PTPRQ: variants seen among roughly 807,000 people sequenced by gnomAD.
PTPRQ encodes the protein protein tyrosine phosphatase receptor type Q.
A neutral mutation model predicts 246.0 loss-of-function variants in PTPRQ; 199 were observed. The observed-to-expected ratio is 0.81, with a 90% confidence interval of 0.72 to 0.91. The LOEUF (loss-of-function observed/expected upper bound fraction) is 0.91. Among genes scored for constraint, PTPRQ ranks in the 40% least tolerant of loss-of-function variants. The pLI, the probability that PTPRQ is intolerant of heterozygous loss-of-function variation, is 0.00. For missense variants in PTPRQ, 2,624 were observed against 2,528.4 expected (o/e 1.04, Z -0.81); for synonymous variants, 869 against 853.2 (o/e 1.02, Z -0.32).
At chr12:80,613,968 C>A in intron 29 of PTPRQ, 132 bp downstream of exon 29, 1 of 1,138,762 alleles carries the variant, frequency 8.8e-7, no homozygotes, top group Non-Finnish European at 1.1e-6. Flanking sequence ...GACATCTCAA[C>A]AAAAATAAAT....
intron 28 of PTPRQ, 39 bp downstream of exon 28, chr12:80,610,664 G>T (rs1898516402): frequency 6.5e-7 from 1 of 1,535,368 alleles, no homozygotes; most frequent in Non-Finnish European, 8.8e-7. Flanking sequence ...AATTGACTGA[G>T]ATTTAGCTGG....
intron 25 of PTPRQ, among the ~76,000 whole-genome samples, chr12:80,560,218 A>G (rs927523109): frequency 3.3e-5 from 5 of 152,150 alleles, no homozygotes; most frequent in African/African-American, 1.2e-4. Flanking sequence ...TTGGAGGTTC[A>G]GTGTCTTGGG....
chr12:80,646,814 C>G (rs1422129709), intron 35 of PTPRQ, among the ~76,000 whole-genome samples: 1 of 151,874 alleles, frequency 6.6e-6, no homozygotes, highest in Non-Finnish European at 1.5e-5. Flanking sequence ...AGTGAAACAG[C>G]AACTTTTGGT....
intron 26 of PTPRQ, among the ~76,000 whole-genome samples, chr12:80,596,289 C>T (rs1164894718): frequency 6.6e-6 from 1 of 151,814 alleles, no homozygotes; most frequent in Admixed American, 6.6e-5. Flanking sequence ...AGACCTTATG[C>T]TAGATTATGA....
chr12:80,627,359 T>C (rs1899243306), intron 33 of PTPRQ, among the ~76,000 whole-genome samples: 1 of 147,188 alleles, frequency 6.8e-6, no homozygotes, highest in Non-Finnish European at 1.5e-5. Context: ...ATAATAATAA[T>C]AATAATAATA....
intron 25 of PTPRQ, among the ~76,000 whole-genome samples, chr12:80,568,518 T>A (rs901479954): frequency 6.6e-6 from 1 of 152,234 alleles, no homozygotes; most frequent in Non-Finnish European, 1.5e-5. Flanking sequence ...TTAATTTCTG[T>A]CCATATTTGT....
Position 80,541,603 on chromosome 12 carries a change from C to T in PTPRQ, c.3203C>T (p.Thr1068Ile). The T allele has an allele frequency of 2.6e-6, 4 of 1,540,778 alleles. No homozygotes were observed. The highest frequency in any genetic ancestry group is 3.5e-6 in the Non-Finnish European group (4 of 1,141,540). ...GNLTYESISS[T>I]AINVSWVPPA... is the part of the protein sequence containing the mutation. ...CTGACTTACGAATCCATTTCGTCAA[C>T]TGCAATAAATGTAAGCTGGGTCCCA... The change falls in exon 21 of 45, where the codon ACT becomes ATT. Residue 1068 changes from threonine to isoleucine, a missense_variant. Transcript: ENST00000644991.
At chr12:80,665,814 T>C (rs966651658) in intron 39 of PTPRQ, among the ~76,000 whole-genome samples, 2 of 152,008 alleles carry the variant, frequency 1.3e-5, no homozygotes, top group African/African-American at 2.4e-5. Flanking sequence ...AAAGAAGACA[T>C]ACAAATGGCC....
intron 17 of PTPRQ, among the ~76,000 whole-genome samples, chr12:80,516,730 C>T (rs1370979628): frequency 6.6e-6 from 1 of 152,168 alleles, no homozygotes; most frequent in African/African-American, 2.4e-5. Flanking sequence ...AAAATGACCT[C>T]ATGGTTACTG....
intron 25 of PTPRQ, among the ~76,000 whole-genome samples, chr12:80,578,755 C>T (rs1354774218): frequency 3.9e-5 from 6 of 152,138 alleles, no homozygotes; most frequent in Non-Finnish European, 7.4e-5. Context: ...GAGGACATTG[C>T]TTATTAAATT....
chr12:80,595,709 TC>T (rs1028449166), intron 26 of PTPRQ, among the ~76,000 whole-genome samples: 5 of 106,618 alleles, frequency 4.7e-5, no homozygotes, highest in African/African-American at 1.4e-4. Flanking sequence ...AAGCTATCCC[TC>T]CCCCCTCCCC....
At chr12:80,561,037 G>T (rs1339178370) in intron 25 of PTPRQ, 1 of 153,580 alleles carries the variant, frequency 6.5e-6, no homozygotes, top group African/African-American at 2.4e-5. Context: ...TTGGCCCTCT[G>T]CCACTTGACT....
chr12:80,642,028 A>G (rs1315417774), intron 35 of PTPRQ, among the ~76,000 whole-genome samples: 1 of 151,052 alleles, frequency 6.6e-6, no homozygotes, highest in Admixed American at 6.6e-5. Context: ...TCTAACGCCA[A>G]ATTTTCTTTC....
At chr12:80,650,916 TTTG>T (rs1900235956) in intron 37 of PTPRQ, among the ~76,000 whole-genome samples, 3 of 152,086 alleles carry the variant, frequency 2.0e-5, no homozygotes, top group African/African-American at 7.2e-5. Flanking sequence ...TGTCTAATGC[TTTG>T]TTAAGAATTT....
intron 33 of PTPRQ, among the ~76,000 whole-genome samples, chr12:80,629,151 GGC>G (rs1491124384): frequency 2.8e-5 from 4 of 141,056 alleles, no homozygotes; most frequent in African/African-American, 1.2e-4. Flanking sequence ...AGGAGTGAGT[GGC>G]ACACACACAC....
intron 7 of PTPRQ, among the ~76,000 whole-genome samples, chr12:80,471,670 G>A (rs1376260996): frequency 6.8e-6 from 1 of 147,248 alleles, no homozygotes; most frequent in Non-Finnish European, 1.5e-5. Flanking sequence ...GTAGAGACGG[G>A]GTTTCACCGT....
intron 32 of PTPRQ, 130 bp downstream of exon 32, chr12:80,620,506 T>C: frequency 7.7e-7 from 1 of 1,303,180 alleles, no homozygotes; most frequent in Non-Finnish European, 1.0e-6. Flanking sequence ...ACCTGATTTT[T>C]CTGGCACTAG....
At chr12:80,507,789 C>T (rs1484641731) in intron 16 of PTPRQ, among the ~76,000 whole-genome samples, 3 of 151,876 alleles carry the variant, frequency 2.0e-5, no homozygotes, top group East Asian at 1.9e-4. Flanking sequence ...AATAGATTCT[C>T]CTTGCTCTGA....
At chr12:80,476,179 A>G (rs1026806978) in intron 8 of PTPRQ, among the ~76,000 whole-genome samples, 2 of 152,152 alleles carry the variant, frequency 1.3e-5, no homozygotes, top group Non-Finnish European at 2.9e-5. Context: ...AAAATTTTAA[A>G]AAGAGATGGA....
Sources: allele counts gnomAD v4.1 joint callset (sites outside exome capture counted in the v4.1 genomes callset), GRCh38; gene constraint gnomAD v4.1.1; transcripts MANE v1.5; gene names NCBI Gene and HGNC (gene_info 2026-07-23, HGNC 2026-07-21).